Variants in RBFOX1 observed in about 807,000 individuals in gnomAD.
RBFOX1 encodes the protein RNA binding protein fox-1 homolog 1.
RBFOX1 carries 8 observed loss-of-function variants against 57.7 expected under a neutral mutation model. The observed-to-expected ratio is 0.14, with a 90% CI of 0.08 to 0.25. The LOEUF is 0.25. Ranked by LOEUF, RBFOX1 falls within the 10% of genes least tolerant of loss-of-function variation. The pLI is 1.00. For synonymous variants in RBFOX1, 326 were observed against 222.4 expected (o/e 1.47, Z -4.15); for missense variants, 611 against 548.5 (o/e 1.11, Z -1.14).
intron 3 of RBFOX1, among the ~76,000 whole-genome samples, chr16:6,697,039 T>G (rs956199734): frequency 6.6e-6 from 1 of 152,220 alleles, no homozygotes; most frequent in African/African-American, 2.4e-5. Flanking sequence ...CATTTCAAAC[T>G]AATGCTTGGC....
intron 3 of RBFOX1, among the ~76,000 whole-genome samples, chr16:6,850,923 A>T (rs1182369726): frequency 6.6e-6 from 1 of 152,226 alleles, no homozygotes; most frequent in Non-Finnish European, 1.5e-5. Context: ...CCTGTATGCA[A>T]ATGTTCACTG....
At position 6,863,725 on chromosome 16, in the gene RBFOX1, C is replaced by CTTTTTTTTTTTTTTTTTTT. The variant is rs71408412; in HGVS notation, c.-15-188323_-15-188305dup. Among the ~76,000 whole-genome samples the CTTTTTTTTTTTTTTTTTTT allele has an allele frequency of 9.0e-3, 612 of 67,722 alleles. 77 individuals carry two copies. Among genetic ancestry groups the CTTTTTTTTTTTTTTTTTTT allele is most frequent in the East Asian group, 0.012 (26 of 2,138 alleles). The allele number at this position is 67,722 out of a possible 152,430, so 44.4% of individuals were successfully genotyped here. ...CGGAAGCACAAATTGGATGCCTGCGCTTTTTTTTTTTTTTTTTTTTTTTTT... is the reference window on the plus strand; with the variant it reads ...CGGAAGCACAAATTGGATGCCTGCGCTTTTTTTTTTTTTTTTTTTTTTTTTTTTTTTTTTTTTTTTTTTT... On this transcript the variant is annotated intron_variant, in intron 3 of 15. Transcript: ENST00000550418.
intron 2 of RBFOX1, among the ~76,000 whole-genome samples, chr16:6,607,631 C>G (rs116773457): frequency 6.6e-6 from 1 of 151,826 alleles, no homozygotes; most frequent in Non-Finnish European, 1.5e-5. Context: ...TCTTCCTCCT[C>G]TATCTCTCCT....
intron 3 of RBFOX1, among the ~76,000 whole-genome samples, chr16:7,013,364 T>C (rs1312060464): frequency 6.6e-6 from 1 of 152,132 alleles, no homozygotes; most frequent in Non-Finnish European, 1.5e-5. Context: ...TCCCTCTCAC[T>C]TGAAGGAAAA....
intron 4 of RBFOX1, among the ~76,000 whole-genome samples, chr16:7,335,826 A>T (rs1258335330): frequency 6.6e-6 from 1 of 152,118 alleles, no homozygotes; most frequent in Non-Finnish European, 1.5e-5. Flanking sequence ...TGAACCCATT[A>T]TTTTATGTCT....
chr16:6,265,559 G>A (rs1419934269), intron 1 of RBFOX1, among the ~76,000 whole-genome samples: 4 of 152,168 alleles, frequency 2.6e-5, no homozygotes, highest in African/African-American at 4.8e-5. Flanking sequence ...ACTGTGCCCG[G>A]CCAGTTTGAC....
chr16:6,338,301 C>A (rs1227248392), intron 2 of RBFOX1, among the ~76,000 whole-genome samples: 4 of 152,162 alleles, frequency 2.6e-5, no homozygotes, highest in African/African-American at 9.7e-5. Flanking sequence ...ATCAAGATTA[C>A]CTATTTTTAA....
At chr16:6,595,603 C>G (rs912893159) in intron 2 of RBFOX1, among the ~76,000 whole-genome samples, 1 of 152,062 alleles carries the variant, frequency 6.6e-6, no homozygotes, top group African/African-American at 2.4e-5. Context: ...GTCATATGGA[C>G]TCTATTTTTA....
intron 3 of RBFOX1, among the ~76,000 whole-genome samples, chr16:6,727,478 G>C (rs959174515): frequency 1.3e-5 from 2 of 151,844 alleles, no homozygotes; most frequent in African/African-American, 2.4e-5. Context: ...ATGAAGCACA[G>C]GGCAAAAACT....
intron 1 of RBFOX1, among the ~76,000 whole-genome samples, chr16:6,069,345 C>T (rs1267641343): frequency 6.7e-6 from 1 of 148,418 alleles, no homozygotes; most frequent in Non-Finnish European, 1.5e-5. Flanking sequence ...TTGCAGTGAG[C>T]CGAGATTGTG....
intron 3 of RBFOX1, among the ~76,000 whole-genome samples, chr16:5,606,626 TGAG>T (rs1479723466): frequency 1.3e-5 from 2 of 152,072 alleles, no homozygotes; most frequent in Non-Finnish European, 2.9e-5. Context: ...TTGCAGTCTG[TGAG>T]GAGGACACAG....
At chr16:5,823,823 C>T (rs559831277) in intron 3 of RBFOX1, among the ~76,000 whole-genome samples, 1 of 152,162 alleles carries the variant, frequency 6.6e-6, no homozygotes, top group African/African-American at 2.4e-5. Context: ...TCAGGGCTCC[C>T]ACTGATTCTA....
At chr16:6,493,985 G>C (rs1433008749) in intron 2 of RBFOX1, among the ~76,000 whole-genome samples, 2 of 152,214 alleles carry the variant, frequency 1.3e-5, no homozygotes, top group Non-Finnish European at 2.9e-5. Flanking sequence ...AAGATACAGA[G>C]AGAAGGTTGG....
At chr16:7,020,156 T>G (rs578257015) in intron 3 of RBFOX1, among the ~76,000 whole-genome samples, 2 of 152,150 alleles carry the variant, frequency 1.3e-5, no homozygotes, top group Admixed American at 6.6e-5. Context: ...GGGGACTCTT[T>G]TATGCCATCT....
intron 3 of RBFOX1, among the ~76,000 whole-genome samples, chr16:5,811,292 C>T (rs1047625895): frequency 6.6e-6 from 1 of 151,310 alleles, no homozygotes; most frequent in Non-Finnish European, 1.5e-5. Context: ...CGCCATCATG[C>T]CCAGCTAATT....
chr16:6,239,094 A>T (rs1039418912), intron 1 of RBFOX1, among the ~76,000 whole-genome samples: 1 of 152,072 alleles, frequency 6.6e-6, no homozygotes, highest in African/African-American at 2.4e-5. Flanking sequence ...AACCTCTAAT[A>T]TAAAGCTTAC....
intron 4 of RBFOX1, chr16:7,510,404 G>A (rs1226922983): frequency 2.2e-6 from 2 of 922,936 alleles, no homozygotes; most frequent in Non-Finnish European, 1.3e-6. Flanking sequence ...CCGTGCTGTC[G>A]GTGACACGTA....
At chr16:7,021,697 T>A (rs2039172017) in intron 3 of RBFOX1, among the ~76,000 whole-genome samples, 2 of 150,246 alleles carry the variant, frequency 1.3e-5, no homozygotes, top group South Asian at 4.2e-4. Flanking sequence ...TAAGTGTCCA[T>A]CATAGTATTT....
intron 2 of RBFOX1, among the ~76,000 whole-genome samples, chr16:6,624,905 G>C (rs938330941): frequency 6.6e-6 from 1 of 152,266 alleles, no homozygotes; most frequent in South Asian, 2.1e-4. Context: ...GCTCACGCCT[G>C]TAATCCCAGC....
Sources: gnomAD v4.1 joint callset for allele counts (sites outside exome capture counted in the v4.1 genomes callset) on GRCh38, gnomAD v4.1.1 for gene constraint, MANE v1.5 for transcripts, NCBI Gene and HGNC (gene_info 2026-07-23, HGNC 2026-07-21) for gene names.